Variants in DSCAM observed in about 807,000 individuals in gnomAD.
DSCAM encodes cell adhesion molecule DSCAM.
A neutral mutation model predicts 217.7 loss-of-function variants in DSCAM; 47 were observed. That is an observed-to-expected ratio of 0.22 (90% CI 0.17 to 0.28). DSCAM has a LOEUF of 0.28. Ranked by LOEUF, DSCAM falls within the 10% of genes least tolerant of loss-of-function variation. The pLI, the probability that DSCAM is intolerant of heterozygous loss-of-function variation, is 1.00. For synonymous variants in DSCAM, 1,056 were observed against 1,015.3 expected, an observed-to-expected ratio of 1.04 and a Z score of -0.76; for missense variants, 2,080 against 2,618.3, an observed-to-expected ratio of 0.79 and a Z score of 4.49.
intron 3 of DSCAM, among the ~76,000 whole-genome samples, chr21:40,607,070 GGTAT>G (rs369586033): frequency 1.2e-3 from 181 of 152,170 alleles, no homozygotes; most frequent in African/African-American, 4.0e-3. Flanking sequence ...CCCAGTCTTG[GGTAT>G]GTCTTTATTA....
chr21:40,116,774 G>A (rs62237612), intron 20 of DSCAM, among the ~76,000 whole-genome samples: 9,630 of 150,860 alleles, frequency 0.064, 340 homozygotes, highest in Non-Finnish European at 0.088. Context: ...AGGCCGAGGC[G>A]GGCGGATCAT....
intron 18 of DSCAM, among the ~76,000 whole-genome samples, chr21:40,138,764 T>C (rs2090247891): frequency 7.4e-6 from 1 of 135,526 alleles, no homozygotes; most frequent in Non-Finnish European, 1.5e-5. Context: ...ATGTGTGGCA[T>C]AGTGTGCAGT....
intron 1 of DSCAM, among the ~76,000 whole-genome samples, chr21:40,781,494 T>C (rs749874250): frequency 1.3e-5 from 2 of 152,196 alleles, no homozygotes; most frequent in Non-Finnish European, 2.9e-5. Context: ...CAGATTTGTT[T>C]TCAACCACAC....
chr21:40,096,978 A>C (rs2146599305), intron 20 of DSCAM, among the ~76,000 whole-genome samples: 1 of 152,278 alleles, frequency 6.6e-6, no homozygotes, highest in Admixed American at 6.5e-5. Flanking sequence ...CTTTTTTCAG[A>C]TACATAAGAA....
At chr21:40,612,271 T>C (rs1232089623) in intron 3 of DSCAM, among the ~76,000 whole-genome samples, 1 of 152,172 alleles carries the variant, frequency 6.6e-6, no homozygotes, top group Admixed American at 6.5e-5. Flanking sequence ...CTGACTTGCT[T>C]GACCAAGAGA....
At chr21:40,653,058 C>G (rs2090035129) in intron 3 of DSCAM, among the ~76,000 whole-genome samples, 1 of 152,234 alleles carries the variant, frequency 6.6e-6, no homozygotes, top group Admixed American at 6.5e-5. Context: ...CCCTATAGGT[C>G]TCCGGGAAAG....
chr21:40,247,423 G>A (rs1419518613), intron 11 of DSCAM, among the ~76,000 whole-genome samples: 1 of 152,164 alleles, frequency 6.6e-6, no homozygotes, highest in Non-Finnish European at 1.5e-5. Flanking sequence ...TACAATGGGG[G>A]TACAGGCATT....
At chr21:40,138,618 G>GTA (rs2090244260) in intron 18 of DSCAM, among the ~76,000 whole-genome samples, 1 of 143,112 alleles carries the variant, frequency 7.0e-6, no homozygotes, top group African/African-American at 2.6e-5. Context: ...TGTGTGGTGA[G>GTA]TGTGTGGTGT....
At chr21:40,130,397 T>C (rs1213361977) in intron 19 of DSCAM, among the ~76,000 whole-genome samples, 1 of 152,154 alleles carries the variant, frequency 6.6e-6, no homozygotes, top group African/African-American at 2.4e-5. Context: ...AGAGCAGTCC[T>C]GGAAAGAGAA....
chr21:40,604,991 G>A (rs1054354409), intron 3 of DSCAM, among the ~76,000 whole-genome samples: 1 of 152,166 alleles, frequency 6.6e-6, no homozygotes, highest in Non-Finnish European at 1.5e-5. Flanking sequence ...CTTCCTTGAA[G>A]GACATGGTTT....
intron 3 of DSCAM, among the ~76,000 whole-genome samples, chr21:40,602,265 T>C (rs1239620953): frequency 6.6e-6 from 1 of 152,158 alleles, no homozygotes; most frequent in African/African-American, 2.4e-5. Context: ...TTTGTCATGT[T>C]GCCCAGGCTG....
intron 3 of DSCAM, among the ~76,000 whole-genome samples, chr21:40,406,584 C>T (rs1196506189): frequency 6.6e-6 from 1 of 151,866 alleles, no homozygotes; most frequent in African/African-American, 2.4e-5. Context: ...ATATGTAAAA[C>T]GTTTTTGTTT....
intron 1 of DSCAM, among the ~76,000 whole-genome samples, chr21:40,760,956 C>T (rs1459076591): frequency 6.6e-6 from 1 of 152,240 alleles, no homozygotes; most frequent in African/African-American, 2.4e-5. Flanking sequence ...AGCTGATGCA[C>T]TTACTTATAA....
At chr21:40,053,455 C>T (rs2146500408) in intron 29 of DSCAM, among the ~76,000 whole-genome samples, 1 of 152,304 alleles carries the variant, frequency 6.6e-6, no homozygotes, top group Non-Finnish European at 1.5e-5. Context: ...GGATATGTCA[C>T]AGTTTCTAGC....
At chr21:40,369,056 A>T (rs1333536886) in intron 4 of DSCAM, 43 bp downstream of exon 4, 1 of 1,544,386 alleles carries the variant, frequency 6.5e-7, no homozygotes, top group East Asian at 2.3e-5. Flanking sequence ...ACACTAACAA[A>T]GAAATAGCAG....
chr21:40,787,521 G>T (rs2091604773), intron 1 of DSCAM, among the ~76,000 whole-genome samples: 1 of 152,110 alleles, frequency 6.6e-6, no homozygotes, highest in African/African-American at 2.4e-5. Context: ...GGGTTATCTT[G>T]CATTGTTTAC....
At chr21:40,560,566 A>C (rs1414311009) in intron 3 of DSCAM, among the ~76,000 whole-genome samples, 1 of 152,232 alleles carries the variant, frequency 6.6e-6, no homozygotes, top group East Asian at 1.9e-4. Context: ...TGTCTGGAGA[A>C]ACTCATTGTA....
At chr21:40,226,876 T>G (rs2146914837) in intron 11 of DSCAM, among the ~76,000 whole-genome samples, 1 of 152,300 alleles carries the variant, frequency 6.6e-6, no homozygotes, top group African/African-American at 2.4e-5. Flanking sequence ...CGTTAGTTAC[T>G]TTTCCTGATT....
intron 1 of DSCAM, among the ~76,000 whole-genome samples, chr21:40,712,402 G>T (rs909141525): frequency 2.1e-5 from 3 of 145,930 alleles, no homozygotes; most frequent in Non-Finnish European, 4.4e-5. Flanking sequence ...AGCGGAGCTT[G>T]CAGTGAGCCG....
Sources: allele counts gnomAD v4.1 joint callset (sites outside exome capture counted in the v4.1 genomes callset), GRCh38; gene constraint gnomAD v4.1.1; transcripts MANE v1.5; gene names NCBI Gene and HGNC (gene_info 2026-07-23, HGNC 2026-07-21).